The following PANK4 variants were observed in gnomAD, a reference collection of about 807,000 sequenced individuals.
PANK4 encodes pantothenate kinase 4 (inactive), also known as 4'-phosphopantetheine phosphatase.
Under a neutral mutation model 87.9 loss-of-function variants are expected in PANK4, and 40 were observed. The observed-to-expected ratio is 0.46, with a 90% CI of 0.35 to 0.59. The LOEUF (loss-of-function observed/expected upper bound fraction) is 0.59. Ranked by LOEUF, PANK4 falls within the 20% of genes least tolerant of loss-of-function variation. The pLI is 0.00. For synonymous variants in PANK4, 524 were observed against 467.4 expected, an observed-to-expected ratio of 1.12 and a Z score of -1.56; for missense variants, 926 against 1,072.3, an observed-to-expected ratio of 0.86 and a Z score of 1.90.
In PANK4 at chr1:2,515,120, C is replaced by T. The variant is rs1643743970; in HGVS notation, c.1374+442G>A. On this transcript the variant is annotated intron_variant, in intron 10 of 18. Transcript: ENST00000378466. This position sits in a 1 kb window ranked among gnomAD's most constrained non-coding sequence, Gnocchi z 5.0. Reference sequence around the variant, plus strand: ...AGCGTGGCCCAGGGCCTGGCATTTGCTCCACGGGACCAGCCCAGCCTTGGA... The same window carrying T: ...AGCGTGGCCCAGGGCCTGGCATTTGTTCCACGGGACCAGCCCAGCCTTGGA... The T allele has an allele frequency of 2.8e-6, 1 of 361,814 alleles. No homozygotes were observed. The allele number at this position is 361,814 out of a possible 1,614,324, so 22.4% of individuals were successfully genotyped here. A position where few individuals can be genotyped will look rare whatever the true frequency, so the allele number is the denominator to read the frequency against.
chr1:2,516,265 C>T (rs1643774409), intron 9 of PANK4, among the ~76,000 whole-genome samples: 1 of 152,112 alleles, frequency 6.6e-6, no homozygotes, highest in Admixed American at 6.5e-5. Flanking sequence ...ATGCACCCTT[C>T]TTCCTCCATG....
At chr1:2,518,304 C>T in intron 8 of PANK4, 40 bp from the exon 9 acceptor site, 2 of 1,423,646 alleles carry the variant, frequency 1.4e-6, no homozygotes, top group Non-Finnish European at 2.0e-6. Flanking sequence ...TTAACCTTGC[C>T]CTTGATTCAA....
chr1:2,515,331 T>G lies in PANK4; in HGVS notation c.1374+231A>C, dbSNP rs1438443050. The G allele has an allele frequency of 1.4e-6, 1 of 696,120 alleles. No homozygotes were observed. The highest frequency in any genetic ancestry group is 1.7e-5 in the African/African-American group (1 of 57,254). 43.1% of individuals were successfully genotyped at this position (696,120 alleles called of 1,614,324 possible). A position where few individuals can be genotyped will look rare whatever the true frequency, so the allele number is the denominator to read the frequency against. On this transcript the variant is annotated intron_variant, in intron 10 of 18. Transcript: ENST00000378466. The surrounding 1 kb of genome is among the most constrained non-coding windows in gnomAD (Gnocchi z 5.0). ...TAGCTAGCAGAACTATCAGCTGCCC[T>G]TAGAAGCAACGTGCCTCGCAGACGC... is the stretch of plus-strand genomic sequence containing the variant.
rs1158864629 is a variant in PANK4 at position 2,519,223 on chromosome 1, C to T, written c.955G>A (p.Val319Met). 5.6e-6 allele frequency: 9 copies of T among 1,612,700 alleles called. No homozygotes were observed. The highest frequency in any genetic ancestry group is 1.3e-5 in the African/African-American group (1 of 74,934). ...LHARLHSLDR[V>M]YFGGFFIRGH... The stretch of plus-strand genomic sequence containing the variant: ...CGGATAAAGAAGCCTCCAAAGTACA[C>T]GCGGTCCAGGCTGTGCAGCCGTGCG... Residue 319 changes from valine (V) to methionine (M), a missense_variant, in exon 7 of 19, where the codon GTG (valine) becomes ATG (methionine). Val to Met is a conservative substitution (Grantham distance 21). Coordinates refer to ENST00000378466, the MANE Select transcript of PANK4 (RefSeq NM_018216.4). The surrounding 1 kb of genome is among the most constrained non-coding windows in gnomAD (Gnocchi z 8.3).
chr1:2,515,521 T>C lies in PANK4; in HGVS notation c.1374+41A>G, dbSNP rs2236394. ...CGGAGCCTTGGAAGGTTAACCCGGC[T>C]GCGGCCTTGGAATCGTCTAGACGGC... On this transcript the variant is annotated intron_variant, in intron 10 of 18. Coordinates refer to ENST00000378466, the MANE Select transcript of PANK4 (RefSeq NM_018216.4). The surrounding 1 kb of genome is among the most constrained non-coding windows in gnomAD (Gnocchi z 5.0). 0.27 allele frequency: 430,860 copies of C among 1,603,716 alleles called. 67,781 individuals carry two copies. The highest frequency in any genetic ancestry group is 0.67 in the African/African-American group (49,784 of 74,758).
rs753091403 is a variant in PANK4, at chr1:2,514,411, G to A, written c.1430C>T (p.Ala477Val). ...QPDSVDAAERAEKFRQKYWNK... is the reference protein window; with the variant it reads ...QPDSVDAAERVEKFRQKYWNK... The stretch of plus-strand genomic sequence containing the variant: ...CCAGTACTTCTGCCGGAACTTCTCC[G>A]CCCTCTCGGCTGCATCCACAGAGTC... Residue 477 changes from alanine to valine, a missense_variant, in exon 11 of 19, where the codon GCG becomes GTG. Physicochemically the swap from Ala to Val is moderately conservative, Grantham distance 64. Transcript: ENST00000378466. The A allele has an allele frequency of 9.9e-6, 16 of 1,612,098 alleles. No individual in the cohort carries two copies. The highest frequency in any genetic ancestry group is 3.3e-5 in the South Asian group (3 of 91,060).
intron 9 of PANK4, 35 bp downstream of exon 9, chr1:2,518,129 C>T (rs1463213747): frequency 1.4e-6 from 2 of 1,407,672 alleles, no homozygotes; most frequent in Non-Finnish European, 2.0e-6. Context: ...AGGCTGCTCC[C>T]CTGGGGCCCG....
At chr1:2,523,400 C>T (rs781108823) in intron 1 of PANK4, among the ~76,000 whole-genome samples, 21 of 152,182 alleles carry the variant, frequency 1.4e-4, no homozygotes, top group South Asian at 4.1e-4. Context: ...TGCACCATGC[C>T]GCCGACTCAC....
Position 2,511,000 on chromosome 1 carries a change from G to C in PANK4, c.1834-218C>G, listed in dbSNP as rs1184287456. Among the ~76,000 whole-genome samples the C allele has an allele frequency of 6.6e-6, 1 of 152,086 alleles. No homozygotes were observed. Among genetic ancestry groups the C allele is most frequent in the Non-Finnish European group, 1.5e-5 (1 of 67,970 alleles). ...GCTGGGCTGCAGGGGCTGAGACCGG[G>C]ACTTCAGGACCCCAGAGGCACCGGG... is the stretch of plus-strand genomic sequence containing the variant. On this transcript the variant is annotated intron_variant, in intron 15 of 18. Coordinates refer to ENST00000378466, the MANE Select transcript of PANK4 (RefSeq NM_018216.4). The surrounding 1 kb of genome is among the most constrained non-coding windows in gnomAD (Gnocchi z 4.9).
At chr1:2,517,199 C>A (rs1643796506) in intron 9 of PANK4, among the ~76,000 whole-genome samples, 2 of 152,234 alleles carry the variant, frequency 1.3e-5, no homozygotes, top group Admixed American at 6.5e-5. Flanking sequence ...CCCCACTCCC[C>A]TGCCTAGTGC....
Position 2,521,704 on chromosome 1 carries a change from C to T in PANK4, c.207+14G>A, listed in dbSNP as rs78855313. 1.9e-6 allele frequency: 3 copies of T among 1,608,184 alleles called. No homozygotes were observed. The highest frequency in any genetic ancestry group is 2.7e-5 in the African/African-American group (2 of 74,842). On this transcript the variant is annotated intron_variant, in intron 2 of 18. Transcript: ENST00000378466. The stretch of plus-strand genomic sequence containing the variant: ...GCGGCTGCCCTGCCCCGGGTGGCCA[C>T]AGTGCAGGCTCACCTTTCCGGAGTG...
rs376180239 is a variant in PANK4 at position 2,508,918 on chromosome 1, C to G, written c.2251G>C (p.Ala751Pro). Residue 751 changes from alanine to proline, a missense_variant, in exon 19 of 19, where the codon GCG becomes CCG. Transcript: ENST00000378466. This position sits in a 1 kb window ranked among gnomAD's most constrained non-coding sequence, Gnocchi z 5.1. ...CCGCCCAGCCGCTCGGCCAGCCACG[C>G]GTTCTTGATGACGGCCAGCTTGAGG... ...ESLKLAVIKN[A>P]WLAERLGGRL... 6.2e-7 allele frequency: 1 copy of G among 1,610,540 alleles called. No individual in the cohort carries two copies. The highest frequency in any genetic ancestry group is 1.3e-5 in the African/African-American group (1 of 74,842).
intron 12 of PANK4, 52 bp from the exon 13 acceptor site, chr1:2,513,091 C>A: frequency 6.5e-7 from 1 of 1,533,296 alleles, no homozygotes; most frequent in Non-Finnish European, 8.8e-7. Flanking sequence ...CCTCAGCCCA[C>A]CCTGGACACC....
Position 2,520,969 on chromosome 1 carries a change from C to T in PANK4, c.423-63G>A. 6.6e-7 allele frequency: 1 copy of T among 1,526,084 alleles called. No individual in the cohort carries two copies. Among genetic ancestry groups the T allele is most frequent in the Non-Finnish European group, 8.9e-7 (1 of 1,126,090 alleles). The allele number at this position is 1,526,084 out of a possible 1,614,324, so 94.5% of individuals were successfully genotyped here. A position where few individuals can be genotyped will look rare whatever the true frequency, so the allele number is the denominator to read the frequency against. On this transcript the variant is annotated intron_variant, in intron 3 of 18. Coordinates refer to ENST00000378466, the MANE Select transcript of PANK4 (RefSeq NM_018216.4). The surrounding 1 kb of genome is among the most constrained non-coding windows in gnomAD (Gnocchi z 6.2). ...CACAGACAGGTGCAACCATGCAAGCCTGCCTGGTCCGAAGGGGCAGCCATG... is the reference window on the plus strand; with the variant it reads ...CACAGACAGGTGCAACCATGCAAGCTTGCCTGGTCCGAAGGGGCAGCCATG...
chr1:2,513,982 C>G lies in PANK4; in HGVS notation c.1575+20G>C, dbSNP rs1405654514. 3.2e-6 allele frequency: 5 copies of G among 1,571,862 alleles called. No homozygotes were observed. Among genetic ancestry groups the G allele is most frequent in the Non-Finnish European group, 1.8e-6 (2 of 1,142,428 alleles). ...GACGGGGACAAGAGCGAGCGGAAGGCCAGGGCACACTGCACTTACTTTGGA... is the reference window on the plus strand; with the variant it reads ...GACGGGGACAAGAGCGAGCGGAAGGGCAGGGCACACTGCACTTACTTTGGA... On this transcript the variant is annotated intron_variant, in intron 12 of 18. Transcript: ENST00000378466.
In PANK4 at chr1:2,526,461, T is replaced by C. The variant is rs976427684; in HGVS notation, c.124+3A>G. On this transcript the variant is annotated splice_donor_region_variant and intron_variant, in intron 1 of 18. Transcript: ENST00000378466. Reference sequence around the variant, plus strand: ...CCGCGCCCGGCGCCCGGCCTGCGGCTACCTATGTCGATGGCGAAGCGCTTG... The same window carrying C: ...CCGCGCCCGGCGCCCGGCCTGCGGCCACCTATGTCGATGGCGAAGCGCTTG... 4 of 1,485,978 alleles carry C rather than the reference T, an allele frequency of 2.7e-6. No individual in the cohort carries two copies. The highest frequency in any genetic ancestry group is 2.7e-6 in the Non-Finnish European group (3 of 1,111,962). 92.0% of individuals were successfully genotyped at this position (1,485,978 alleles called of 1,614,324 possible).
chr1:2,523,605 T>C (rs1490231566), intron 1 of PANK4, among the ~76,000 whole-genome samples: 1 of 151,932 alleles, frequency 6.6e-6, no homozygotes, highest in Non-Finnish European at 1.5e-5. Flanking sequence ...GGTGGGTTGG[T>C]TTCTGCAAGA....
chr1:2,522,075 C>G (rs1557448432), intron 1 of PANK4: 1 of 516,322 alleles, frequency 1.9e-6, no homozygotes, highest in Non-Finnish European at 3.5e-6. Flanking sequence ...CCAAGTCCTG[C>G]AGAGGAAAGG....
In PANK4 at chr1:2,509,076, G is replaced by A; in HGVS notation, c.2109-16C>T. On this transcript the variant is annotated splice_polypyrimidine_tract_variant and intron_variant, in intron 18 of 18. Coordinates refer to ENST00000378466, the MANE Select transcript of PANK4 (RefSeq NM_018216.4). This position sits in a 1 kb window ranked among gnomAD's most constrained non-coding sequence, Gnocchi z 4.9. Reference sequence around the variant, plus strand: ...ATCCAGGCGGCTTTGGGGAGGAAGAGGACGGTGAGACTGGGCAAGCAGACC... The same window carrying A: ...ATCCAGGCGGCTTTGGGGAGGAAGAAGACGGTGAGACTGGGCAAGCAGACC... The A allele has an allele frequency of 1.3e-6, 2 of 1,581,186 alleles. No individual in the cohort carries two copies. The highest frequency in any genetic ancestry group is 8.5e-7 in the Non-Finnish European group (1 of 1,170,992).
Sources: gnomAD v4.1 joint callset for allele counts (sites outside exome capture counted in the v4.1 genomes callset) on GRCh38, gnomAD v4.1.1 for gene constraint, Gnocchi (gnomAD v3.1) non-coding constraint, MANE v1.5 for transcripts, NCBI Gene and HGNC (gene_info 2026-07-23, HGNC 2026-07-21) for gene names.